The following ANKS1B variants were observed in gnomAD, a reference collection of about 807,000 sequenced individuals.
The protein encoded by ANKS1B is ankyrin repeat and sterile alpha motif domain-containing protein 1B.
Under a neutral mutation model 148.3 loss-of-function variants are expected in ANKS1B, and 36 were observed. That is an observed-to-expected ratio of 0.24 (90% CI 0.19 to 0.32). The LOEUF (loss-of-function observed/expected upper bound fraction) is 0.32, where lower values mean the gene tolerates loss of function less well. ANKS1B is among the 10% of genes least tolerant of loss of function. The pLI is 1.00. For missense variants in ANKS1B, 1,157 were observed against 1,542.6 expected (o/e 0.75, Z 4.19); for synonymous variants, 542 against 560.8 (o/e 0.97, Z 0.47).
Position 99,399,868 on chromosome 12 carries a change from A to G in ANKS1B, c.1576-57T>C. On this transcript the variant is annotated intron_variant, in intron 11 of 26. Transcript: ENST00000683438. ...TATGATCATGTTCATCTTCAGCCCA[A>G]TCTCCCCATCAATTTAATCTAAGTG... 5.2e-6 allele frequency: 8 copies of G among 1,540,388 alleles called. No homozygotes were observed. The South Asian group carries it at 6.8e-5, about 13-fold the overall frequency.
rs114164318 is a variant in ANKS1B, at chr12:99,963,921, C to A, written c.134+20183G>T. On this transcript the variant is annotated intron_variant, in intron 1 of 26. Transcript: ENST00000683438. ...TTATCTCTATCGAATTCTGCAAACTCAACTTCTTCAGTGAATGACAGTTAA... is the reference window on the plus strand; with the variant it reads ...TTATCTCTATCGAATTCTGCAAACTAAACTTCTTCAGTGAATGACAGTTAA... Among the ~76,000 whole-genome samples the A allele has an allele frequency of 9.5e-3, 1,447 of 152,290 alleles. 27 individuals carry two copies. Among genetic ancestry groups the A allele is most frequent in the African/African-American group, 0.033 (1,381 of 41,548 alleles).
intron 12 of ANKS1B, among the ~76,000 whole-genome samples, chr12:99,385,141 G>C (rs1163627010): frequency 1.6e-5 from 2 of 121,310 alleles, no homozygotes; most frequent in African/African-American, 6.1e-5. Flanking sequence ...TAGACGTTTG[G>C]TTTTAGATTA....
chr12:99,155,372 C>T (rs1289090493), intron 14 of ANKS1B, among the ~76,000 whole-genome samples: 1 of 152,038 alleles, frequency 6.6e-6, no homozygotes, highest in African/African-American at 2.4e-5. Context: ...AATACAGAAA[C>T]TGCATCGCAA....
intron 8 of ANKS1B, among the ~76,000 whole-genome samples, chr12:99,684,641 TA>T (rs1186940084): frequency 6.6e-6 from 1 of 151,972 alleles, no homozygotes; most frequent in Non-Finnish European, 1.5e-5. Context: ...TCCAAAAGAA[TA>T]AATCTGGAAG....
intron 15 of ANKS1B, among the ~76,000 whole-genome samples, chr12:99,140,641 G>A (rs1039111103): frequency 6.6e-6 from 1 of 152,140 alleles, no homozygotes. Flanking sequence ...GAAAACAGAT[G>A]TTCACGAAGG....
At position 99,115,567 on chromosome 12, in the gene ANKS1B, G is replaced by A. The variant is rs143229291; in HGVS notation, c.2527-30544C>T. On this transcript the variant is annotated intron_variant, in intron 15 of 26. Coordinates refer to ENST00000683438, the MANE Select transcript of ANKS1B (RefSeq NM_001352186.2). ...AAAATAATCTGTACAACAAACCCTC[G>A]TGACACTAGTTTACCTATGTAACAA... 6.2e-4 allele frequency among the ~76,000 whole-genome samples: 94 copies of A among 152,138 alleles called. 1 individual carries two copies. Among genetic ancestry groups the A allele is most frequent in the African/African-American group, 2.2e-3 (92 of 41,508 alleles).
At chr12:99,100,047 A>G (rs2057492758) in intron 15 of ANKS1B, among the ~76,000 whole-genome samples, 1 of 152,136 alleles carries the variant, frequency 6.6e-6, no homozygotes, top group East Asian at 1.9e-4. Context: ...TGTAGTTGGT[A>G]AGCTCAGTTA....
At chr12:99,819,181 G>T (rs2082214241) in intron 2 of ANKS1B, among the ~76,000 whole-genome samples, 1 of 151,886 alleles carries the variant, frequency 6.6e-6, no homozygotes, top group East Asian at 1.9e-4. Context: ...TAAAGTTGCA[G>T]ATGTGTTCAA....
intron 8 of ANKS1B, among the ~76,000 whole-genome samples, chr12:99,742,821 G>C (rs1353320243): frequency 1.5e-5 from 2 of 133,534 alleles, no homozygotes; most frequent in Non-Finnish European, 3.1e-5. Context: ...CTGGGTGACA[G>C]AGGGAGACTC....
chr12:98,852,074 G>C (rs1483210878), intron 17 of ANKS1B, among the ~76,000 whole-genome samples: 3 of 147,894 alleles, frequency 2.0e-5, no homozygotes, highest in Non-Finnish European at 3.0e-5. Flanking sequence ...GATGATGGCA[G>C]AGTTGGTTTA....
chr12:98,924,490 A>T (rs554290403), intron 17 of ANKS1B, among the ~76,000 whole-genome samples: 143 of 152,142 alleles, frequency 9.4e-4, no homozygotes, highest in Non-Finnish European at 1.5e-3. Flanking sequence ...TGTGGATTTG[A>T]CTTTAGGAAA....
At chr12:98,816,829 A>G (rs2099145526) in intron 19 of ANKS1B, among the ~76,000 whole-genome samples, 1 of 152,136 alleles carries the variant, frequency 6.6e-6, no homozygotes, top group Non-Finnish European at 1.5e-5. Context: ...CTCAGAACAG[A>G]GCAAGTAGAT....
chr12:99,973,709 G>A (rs1383471499), intron 1 of ANKS1B, among the ~76,000 whole-genome samples: 1 of 152,238 alleles, frequency 6.6e-6, no homozygotes, highest in Non-Finnish European at 1.5e-5. Flanking sequence ...GGAAGGAACT[G>A]CAGATGTGGT....
chr12:99,759,276 T>C (rs185635372), intron 8 of ANKS1B, among the ~76,000 whole-genome samples: 2 of 152,036 alleles, frequency 1.3e-5, no homozygotes, highest in African/African-American at 4.8e-5. Context: ...GAAAATAACA[T>C]CAGTTTTAAA....
Position 99,196,172 on chromosome 12 carries a change from T to C in ANKS1B, c.2420-41777A>G, listed in dbSNP as rs190907721. On this transcript the variant is annotated intron_variant, in intron 14 of 26. Transcript: ENST00000683438. ...CTATTTATTCATTTGTTGGATATTC[T>C]GCAATGGGAATTACTTTTATAATCA... Among the ~76,000 whole-genome samples, 3 of 152,342 alleles carry C rather than the reference T, an allele frequency of 2.0e-5. No individual in the cohort carries two copies. In the East Asian group the frequency reaches 5.8e-4, roughly 29 times the overall value.
intron 10 of ANKS1B, among the ~76,000 whole-genome samples, chr12:99,470,184 T>G (rs1417402171): frequency 6.6e-6 from 1 of 151,970 alleles, no homozygotes; most frequent in Admixed American, 6.6e-5. Flanking sequence ...TTTCCTAAAT[T>G]GGAGACATGC....
intron 9 of ANKS1B, among the ~76,000 whole-genome samples, chr12:99,561,432 A>G (rs941444286): frequency 1.3e-5 from 2 of 152,108 alleles, no homozygotes; most frequent in Non-Finnish European, 2.9e-5. Context: ...TTCTTCTACA[A>G]TTATTTTAGT....
At chr12:99,486,430 T>G (rs183016295) in intron 10 of ANKS1B, among the ~76,000 whole-genome samples, 18 of 152,144 alleles carry the variant, frequency 1.2e-4, no homozygotes, top group Admixed American at 1.0e-3. Context: ...CTCTTGATGC[T>G]TATCTCATTC....
chr12:98,960,072 A>G (rs2099868650), intron 17 of ANKS1B, among the ~76,000 whole-genome samples: 1 of 152,204 alleles, frequency 6.6e-6, no homozygotes, highest in Admixed American at 6.5e-5. Flanking sequence ...CCTGAAGGGA[A>G]GGACACAAGC....
Sources: allele counts gnomAD v4.1 joint callset (sites outside exome capture counted in the v4.1 genomes callset), GRCh38; gene constraint gnomAD v4.1.1; transcripts MANE v1.5; gene names NCBI Gene and HGNC (gene_info 2026-07-23, HGNC 2026-07-21).